The following LTBP2 variants were observed in gnomAD, a reference collection of about 807,000 sequenced individuals.
LTBP2 encodes latent-transforming growth factor beta-binding protein 2.
In LTBP2, 103 loss-of-function variants were observed where a neutral mutation model predicts 210.6. The observed-to-expected ratio is 0.49, with a 90% CI of 0.42 to 0.58. LTBP2 has a LOEUF of 0.58. Among genes scored for constraint, LTBP2 ranks in the 20% least tolerant of loss-of-function variants. The pLI, the probability that LTBP2 is intolerant of heterozygous loss-of-function variation, is 0.00. For missense variants in LTBP2, 2,313 were observed against 2,494.5 expected, an observed-to-expected ratio of 0.93 and a Z score of 1.55; for synonymous variants, 1,007 against 1,015.0, an observed-to-expected ratio of 0.99 and a Z score of 0.15.
chr14:74,505,225 G>A (rs1362723795), intron 28 of LTBP2, 51 bp from the exon 29 acceptor site: 6 of 1,580,978 alleles, frequency 3.8e-6, no homozygotes, highest in Non-Finnish European at 4.3e-6. Context: ...TCTAAGGGGG[G>A]TCAATAGTCC....
rs1491379497 is a variant in LTBP2 at position 74,540,839 on chromosome 14, T to TTA, written c.1790-4841_1790-4840dup. On this transcript the variant is annotated intron_variant, in intron 8 of 35. Transcript: ENST00000261978. ...ATATATATTTTTATATAATATATAT[T>TTA]TATATATATTATATATATTATATAT... Among the ~76,000 whole-genome samples the TTA allele has an allele frequency of 4.5e-4, 8 of 17,752 alleles. No individual in the cohort carries two copies. In the South Asian group the frequency reaches 0.016, roughly 36 times the overall value. 11.6% of individuals were successfully genotyped at this position (17,752 alleles called of 152,430 possible).
At chr14:74,529,169 G>T in intron 10 of LTBP2, 47 bp from the exon 11 acceptor site, 1 of 1,549,144 alleles carries the variant, frequency 6.5e-7, no homozygotes. Context: ...CCAGTGGGAG[G>T]GGAATGCGCA....
At chr14:74,528,839 G>A (rs759425599) in intron 11 of LTBP2, 119 bp downstream of exon 11, 45 of 1,516,164 alleles carry the variant, frequency 3.0e-5, no homozygotes, top group Admixed American at 1.3e-4. Flanking sequence ...AAGCACGTGA[G>A]CAGGCAGGGA....
intron 8 of LTBP2, among the ~76,000 whole-genome samples, chr14:74,547,474 C>T (rs575310271): frequency 6.6e-5 from 10 of 152,274 alleles, no homozygotes; most frequent in Admixed American, 5.2e-4. Flanking sequence ...TTCTGGAAGC[C>T]TGTTTCTCAG....
Position 74,502,737 on chromosome 14 carries a change from C to A in LTBP2, c.5086G>T (p.Gly1696Cys). ...ATGGGTGTGCGGTCCGCTGAGTGAC[C>A]GGCTGTGTTGGGGAAGGCAGGCTCA... ...VPEPAFPNTA[G>C]HSADRTPILE... Residue 1696 changes from glycine to cysteine, a missense_variant, in exon 34 of 36, where the codon GGT (glycine) becomes TGT (cysteine). Physicochemically the swap from Gly to Cys is radical, Grantham distance 159. This residue lies in a region of LTBP2 where 443 missense variants were observed against 501.4 expected (regional missense o/e 0.88). Transcript: ENST00000261978. 6.2e-7 allele frequency: 1 copy of A among 1,614,160 alleles called. No homozygotes were observed. The highest frequency in any genetic ancestry group is 8.5e-7 in the Non-Finnish European group (1 of 1,180,024).
At position 74,525,128 on chromosome 14, in the gene LTBP2, G is replaced by A; in HGVS notation, c.2526C>T (p.Thr842=). ...PSTDVLVTLS[T]PGIDRCAAGA... is the part of the protein sequence containing the mutation. ...CAAAGGTCTGGCTGCAGCTACCTGG[G>A]GTGCTCAGGGTCACCAGCACATCAG... The change falls in exon 15 of 36, where the codon ACC becomes ACT. Residue 842 remains threonine, a synonymous_variant. Transcript: ENST00000261978. The A allele has an allele frequency of 2.3e-6, 3 of 1,325,746 alleles. No homozygotes were observed. Among genetic ancestry groups the A allele is most frequent in the East Asian group, 2.8e-5 (1 of 35,894 alleles). The allele number at this position is 1,325,746 out of a possible 1,614,324, so 82.1% of individuals were successfully genotyped here. A position where few individuals can be genotyped will look rare whatever the true frequency, so the allele number is the denominator to read the frequency against.
At chr14:74,579,883 G>T (rs1473786988) in intron 3 of LTBP2, among the ~76,000 whole-genome samples, 1 of 152,208 alleles carries the variant, frequency 6.6e-6, no homozygotes. Flanking sequence ...GATGTAGACA[G>T]CCGATTGTAG....
intron 4 of LTBP2, among the ~76,000 whole-genome samples, 169 bp from the exon 5 acceptor site, chr14:74,553,231 A>G (rs544691682): frequency 6.6e-6 from 1 of 152,314 alleles, no homozygotes; most frequent in East Asian, 1.9e-4. Flanking sequence ...GATACCTTTG[A>G]GAAGCTCGCA....
intron 3 of LTBP2, among the ~76,000 whole-genome samples, chr14:74,566,728 G>C (rs989552985): frequency 2.0e-5 from 3 of 152,270 alleles, no homozygotes; most frequent in Middle Eastern, 3.4e-3. Context: ...TATCCTAAAG[G>C]GTCGAGAGCC....
chr14:74,585,803 C>G, intron 3 of LTBP2, 51 bp downstream of exon 3: 1 of 1,613,620 alleles, frequency 6.2e-7, no homozygotes. Flanking sequence ...GAAGCCCCTC[C>G]AAAAAGAGAC....
intron 2 of LTBP2, among the ~76,000 whole-genome samples, chr14:74,590,295 T>A (rs555757273): frequency 3.1e-4 from 47 of 152,246 alleles, no homozygotes; most frequent in African/African-American, 1.1e-3. Flanking sequence ...CACTACTGAG[T>A]AAAGGCAAAG....
Position 74,611,477 on chromosome 14 carries a change from T to C in LTBP2, c.468A>G (p.Pro156=). 1 of 1,497,976 alleles carries C rather than the reference T, an allele frequency of 6.7e-7. No homozygotes were observed. The highest frequency in any genetic ancestry group is 1.5e-5 in the African/African-American group (1 of 68,658). 92.8% of individuals were successfully genotyped at this position (1,497,976 alleles called of 1,614,324 possible). A position where few individuals can be genotyped will look rare whatever the true frequency, so the allele number is the denominator to read the frequency against. ...GTPQRSGAAP[P]TPPRGRLTGR... ...CCGTGAGCCGCCCTCGCGGCGGGGTTGGGGGCGCAGCCCCAGACCGCTGTG... is the reference window on the plus strand; with the variant it reads ...CCGTGAGCCGCCCTCGCGGCGGGGTCGGGGGCGCAGCCCCAGACCGCTGTG... Residue 156 remains proline, a synonymous_variant, in exon 1 of 36, where the codon CCA becomes CCG. Coordinates refer to ENST00000261978, the MANE Select transcript of LTBP2 (RefSeq NM_000428.3).
intron 6 of LTBP2, 119 bp downstream of exon 6, chr14:74,552,068 T>G: frequency 3.2e-6 from 3 of 929,242 alleles, no homozygotes; most frequent in Non-Finnish European, 5.0e-6. Context: ...AGAGGGAGGT[T>G]TGATCATAAA....
chr14:74,562,738 GA>G (rs1198500390), intron 3 of LTBP2, among the ~76,000 whole-genome samples: 1 of 152,074 alleles, frequency 6.6e-6, no homozygotes, highest in African/African-American at 2.4e-5. Context: ...CATCAGATTA[GA>G]AAAAAACCCA....
At chr14:74,591,865 T>A (rs2088288215) in intron 2 of LTBP2, among the ~76,000 whole-genome samples, 3 of 152,230 alleles carry the variant, frequency 2.0e-5, no homozygotes, top group Admixed American at 2.0e-4. Context: ...ATTTTTCCCA[T>A]CTAAAGAGTG....
Position 74,551,327 on chromosome 14 carries a change from T to G in LTBP2, c.1423A>C (p.Lys475Gln), listed in dbSNP as rs1257241856. The G allele has an allele frequency of 1.3e-6, 2 of 1,585,724 alleles. No homozygotes were observed. The highest frequency in any genetic ancestry group is 1.7e-6 in the Non-Finnish European group (2 of 1,163,806). ...QLASVNPSLVKVHIHHPPEAS... is the reference protein window; with the variant it reads ...QLASVNPSLVQVHIHHPPEAS... ...TCGGGTGGGTGGTGAATGTGCACCT[T>G]CACCAGGGAGGGGTTCACGGAGGCT... Residue 475 changes from lysine (K) to glutamine (Q), a missense_variant, in exon 7 of 36, where the codon AAG becomes CAG. By Grantham distance (53) the Lys-to-Gln change is moderately conservative. This residue lies in a region of LTBP2 where 1,867 missense variants were observed against 1,976.9 expected (regional missense o/e 0.94). Coordinates refer to ENST00000261978, the MANE Select transcript of LTBP2 (RefSeq NM_000428.3).
intron 3 of LTBP2, among the ~76,000 whole-genome samples, chr14:74,580,143 G>C (rs771812840): frequency 6.6e-6 from 1 of 152,194 alleles, no homozygotes; most frequent in Non-Finnish European, 1.5e-5. Flanking sequence ...GAGGTGGGGA[G>C]GATGTGGAGG....
At chr14:74,537,743 T>TTTCTTC (rs200689325) in intron 8 of LTBP2, among the ~76,000 whole-genome samples, 1 of 152,002 alleles carries the variant, frequency 6.6e-6, no homozygotes, top group Non-Finnish European at 1.5e-5. Flanking sequence ...TTCTTCATAT[T>TTTCTTC]TTCTTCTTCT....
At chr14:74,501,356 C>A (rs577686239) in intron 35 of LTBP2, 85 bp downstream of exon 35, 2 of 1,585,288 alleles carry the variant, frequency 1.3e-6, no homozygotes, top group South Asian at 2.2e-5. Flanking sequence ...TAGGAGGCAG[C>A]AGTGGCTCTT....
Sources: gnomAD v4.1 joint callset for allele counts (sites outside exome capture counted in the v4.1 genomes callset) on GRCh38, gnomAD v4.1.1 for gene constraint, gnomAD v4.1.1 regional missense constraint, MANE v1.5 for transcripts, NCBI Gene and HGNC (gene_info 2026-07-23, HGNC 2026-07-21) for gene names.